The following GALNTL6 variants were observed in gnomAD, a reference collection of about 807,000 sequenced individuals.
The protein encoded by GALNTL6 is polypeptide N-acetylgalactosaminyltransferase like 6.
Under a neutral mutation model 73.7 loss-of-function variants are expected in GALNTL6, and 46 were observed. The observed-to-expected ratio is 0.62, with a 90% CI of 0.49 to 0.80. The LOEUF (loss-of-function observed/expected upper bound fraction) is 0.80, where lower values mean the gene tolerates loss of function less well. Among genes scored for constraint, GALNTL6 ranks in the 30% least tolerant of loss-of-function variants. The probability of loss-of-function intolerance (pLI) is 0.00; values close to 1 mark genes in which losing one functional copy is unlikely to be tolerated. For synonymous variants in GALNTL6, 259 were observed against 263.7 expected, an observed-to-expected ratio of 0.98 and a Z score of 0.17; for missense variants, 604 against 755.0, an observed-to-expected ratio of 0.80 and a Z score of 2.34.
chr4:172,759,461 C>G (rs1737939675), intron 5 of GALNTL6, among the ~76,000 whole-genome samples: 1 of 152,224 alleles, frequency 6.6e-6, no homozygotes, highest in Non-Finnish European at 1.5e-5. Context: ...GCCTAGTGGT[C>G]CCTTGCAGGA....
chr4:172,971,888 G>A (rs1209096700), intron 10 of GALNTL6, among the ~76,000 whole-genome samples: 2 of 152,088 alleles, frequency 1.3e-5, no homozygotes, highest in African/African-American at 2.4e-5. Context: ...TCCACAGAAA[G>A]AAAAAGATTC....
intron 8 of GALNTL6, among the ~76,000 whole-genome samples, chr4:172,909,015 G>C (rs1379250919): frequency 1.3e-5 from 2 of 151,516 alleles, no homozygotes; most frequent in Non-Finnish European, 2.9e-5. Flanking sequence ...AATAAAACTA[G>C]CCTGAATAAA....
intron 7 of GALNTL6, among the ~76,000 whole-genome samples, chr4:172,827,996 G>T (rs1479711964): frequency 2.0e-5 from 3 of 151,950 alleles, no homozygotes; most frequent in African/African-American, 7.3e-5. Context: ...AGAGGACCAG[G>T]CATGGTGGCT....
chr4:172,970,279 G>A (rs1308508748), intron 10 of GALNTL6, among the ~76,000 whole-genome samples: 2 of 152,156 alleles, frequency 1.3e-5, no homozygotes, highest in Non-Finnish European at 2.9e-5. Context: ...AGAAAACAGG[G>A]TTCGAGAGCA....
chr4:172,455,045 G>A lies in GALNTL6; in HGVS notation c.553+106356G>A, dbSNP rs550778561. 2.1e-4 allele frequency among the ~76,000 whole-genome samples: 32 copies of A among 152,300 alleles called. 1 individual carries two copies. The highest frequency in any genetic ancestry group is 5.2e-4 in the Admixed American group (8 of 15,306). ...ATCTCACTGGGACTGGTTAGGCAAG[G>A]GGTCCAGCCCATGGAGGGTGAGCAG... On this transcript the variant is annotated intron_variant, in intron 5 of 12. Transcript: ENST00000506823.
intron 5 of GALNTL6, among the ~76,000 whole-genome samples, chr4:172,593,556 T>C (rs1331024574): frequency 6.6e-6 from 1 of 152,182 alleles, no homozygotes; most frequent in Non-Finnish European, 1.5e-5. Context: ...ACTATCAGTA[T>C]TACATAGTAT....
intron 5 of GALNTL6, among the ~76,000 whole-genome samples, chr4:172,414,981 A>G (rs1183661109): frequency 6.6e-6 from 1 of 151,996 alleles, no homozygotes; most frequent in Non-Finnish European, 1.5e-5. Context: ...CACATTTCTG[A>G]TGTCTCTATT....
intron 2 of GALNTL6, among the ~76,000 whole-genome samples, chr4:172,001,159 C>A (rs1293811919): frequency 6.6e-6 from 1 of 152,070 alleles, no homozygotes; most frequent in Non-Finnish European, 1.5e-5. Flanking sequence ...GTTGAGAAAT[C>A]TGAAATATTT....
At position 172,507,411 on chromosome 4, in the gene GALNTL6, G is replaced by T. The variant is rs534553756; in HGVS notation, c.553+158722G>T. Among the ~76,000 whole-genome samples, 4 of 54,014 alleles carry T rather than the reference G, an allele frequency of 7.4e-5. 2 individuals carry two copies. The highest frequency in any genetic ancestry group is 1.9e-4 in the African/African-American group (4 of 21,510). The allele number at this position is 54,014 out of a possible 152,430, so 35.4% of individuals were successfully genotyped here. ...ACTGGGAGGCAGAAGGGCAGAAGAAGGTCGGGAAAAAACCTCTGAGGCTGT... is the reference window on the plus strand; with the variant it reads ...ACTGGGAGGCAGAAGGGCAGAAGAATGTCGGGAAAAAACCTCTGAGGCTGT... On this transcript the variant is annotated intron_variant, in intron 5 of 12. Coordinates refer to ENST00000506823, the MANE Select transcript of GALNTL6 (RefSeq NM_001034845.3).
intron 5 of GALNTL6, among the ~76,000 whole-genome samples, chr4:172,607,394 A>G (rs1738346180): frequency 6.6e-6 from 1 of 151,686 alleles, no homozygotes; most frequent in South Asian, 2.1e-4. Flanking sequence ...AACATACGGT[A>G]TTTGGTTTTC....
chr4:172,855,210 A>AAAG (rs35874315), intron 7 of GALNTL6, among the ~76,000 whole-genome samples: 2 of 151,534 alleles, frequency 1.3e-5, no homozygotes, highest in African/African-American at 4.8e-5. Context: ...AAAAAAAAAA[A>AAAG]AGAAACACAC....
intron 11 of GALNTL6, among the ~76,000 whole-genome samples, chr4:173,012,655 G>A (rs1451760176): frequency 2.0e-5 from 3 of 152,176 alleles, no homozygotes; most frequent in African/African-American, 7.2e-5. Flanking sequence ...TCTTGGGGCA[G>A]CATCTTGCAC....
At chr4:172,558,299 G>C (rs1377036899) in intron 5 of GALNTL6, among the ~76,000 whole-genome samples, 1 of 152,168 alleles carries the variant, frequency 6.6e-6, no homozygotes, top group Non-Finnish European at 1.5e-5. Context: ...AAAGGTGTAA[G>C]TTAAATGAGG....
intron 2 of GALNTL6, among the ~76,000 whole-genome samples, chr4:171,972,126 A>C (rs930808686): frequency 6.6e-6 from 1 of 152,166 alleles, no homozygotes; most frequent in African/African-American, 2.4e-5. Flanking sequence ...CGTTGTCCAA[A>C]GTTATTCACA....
At chr4:173,039,118 A>T (rs924224196) in intron 12 of GALNTL6, among the ~76,000 whole-genome samples, 1 of 152,154 alleles carries the variant, frequency 6.6e-6, no homozygotes, top group African/African-American at 2.4e-5. Flanking sequence ...TCACTACTTA[A>T]ACTTTCTGTC....
At chr4:171,827,427 G>C (rs1734853047) in intron 2 of GALNTL6, among the ~76,000 whole-genome samples, 1 of 152,138 alleles carries the variant, frequency 6.6e-6, no homozygotes, top group South Asian at 2.1e-4. Context: ...ACAACTTTAA[G>C]TTTGAATTAT....
chr4:172,527,554 A>G (rs1735003914), intron 5 of GALNTL6, among the ~76,000 whole-genome samples: 1 of 152,158 alleles, frequency 6.6e-6, no homozygotes, highest in South Asian at 2.1e-4. Context: ...TCCTTTCCAT[A>G]GGATGGATTG....
At chr4:171,989,023 T>C (rs1396580931) in intron 2 of GALNTL6, among the ~76,000 whole-genome samples, 2 of 151,678 alleles carry the variant, frequency 1.3e-5, no homozygotes, top group Admixed American at 6.6e-5. Context: ...ACTGGGCAGG[T>C]GGGGATAACT....
chr4:171,927,084 A>G (rs1253875910), intron 2 of GALNTL6, among the ~76,000 whole-genome samples: 1 of 151,998 alleles, frequency 6.6e-6, no homozygotes, highest in African/African-American at 2.4e-5. Flanking sequence ...TACATAAGGA[A>G]CAGCTACCTG....
Sources: gnomAD v4.1 joint callset for allele counts (sites outside exome capture counted in the v4.1 genomes callset) on GRCh38, gnomAD v4.1.1 for gene constraint, MANE v1.5 for transcripts, NCBI Gene and HGNC (gene_info 2026-07-23, HGNC 2026-07-21) for gene names.